The following MCTP1 variants were observed in gnomAD, a reference collection of about 807,000 sequenced individuals.
MCTP1 encodes multiple C2 and transmembrane domain-containing protein 1.
MCTP1 carries 69 observed loss-of-function variants against 120.6 expected under a neutral mutation model. The ratio of observed to expected loss-of-function variants is 0.57; its 90% CI spans 0.47 to 0.70. The LOEUF (loss-of-function observed/expected upper bound fraction) is 0.70, where lower values mean the gene tolerates loss of function less well. Ranked by LOEUF, MCTP1 falls within the 30% of genes least tolerant of loss-of-function variation. The pLI is 0.00. For missense variants in MCTP1, 1,203 were observed against 1,248.8 expected (o/e 0.96, Z 0.55); for synonymous variants, 529 against 493.1 (o/e 1.07, Z -0.96).
chr5:94,779,211 T>C lies in MCTP1; in HGVS notation c.2557-48A>G, dbSNP rs773891248. On this transcript the variant is annotated intron_variant, in intron 18 of 22. Transcript: ENST00000515393. ...TTTTTTGTGCTCTTAAAGGAGAGAA[T>C]TTTGTTCTGTCATTTTGAACCTTTT... 32 of 1,507,520 alleles carry C rather than the reference T, an allele frequency of 2.1e-5. No individual in the cohort carries two copies. In the Admixed American group the frequency reaches 5.2e-4, roughly 24 times the overall value. The allele number at this position is 1,507,520 out of a possible 1,614,324, so 93.4% of individuals were successfully genotyped here. A position where few individuals can be genotyped will look rare whatever the true frequency, so the allele number is the denominator to read the frequency against.
intron 1 of MCTP1, among the ~76,000 whole-genome samples, chr5:95,080,453 A>G (rs1476738222): frequency 6.6e-6 from 1 of 152,238 alleles, no homozygotes; most frequent in Non-Finnish European, 1.5e-5. Flanking sequence ...AAGTCAATTA[A>G]GAAGTACGAA....
intron 1 of MCTP1, among the ~76,000 whole-genome samples, chr5:95,160,277 A>C (rs1212750283): frequency 1.3e-5 from 2 of 152,210 alleles, no homozygotes; most frequent in African/African-American, 2.4e-5. Flanking sequence ...TTAGGAAAGA[A>C]AAGCGCAGAT....
intron 2 of MCTP1, among the ~76,000 whole-genome samples, chr5:94,964,766 T>C (rs1333032659): frequency 6.6e-6 from 1 of 152,222 alleles, no homozygotes. Flanking sequence ...AGGTGGTATA[T>C]AGTTGAGTCT....
rs141558529 is a variant in MCTP1 at position 95,095,447 on chromosome 5, C to T, written c.721-77963G>A. Among the ~76,000 whole-genome samples, 682 of 152,234 alleles carry T rather than the reference C, an allele frequency of 4.5e-3. 9 individuals carry two copies. The highest frequency in any genetic ancestry group is 0.016 in the African/African-American group (651 of 41,532). ...TGCATTGCAATAGCAAAGAAGTGAACAACAACCAAGTTGGAAGGAAGAGAT... is the reference window on the plus strand; with the variant it reads ...TGCATTGCAATAGCAAAGAAGTGAATAACAACCAAGTTGGAAGGAAGAGAT... On this transcript the variant is annotated intron_variant, in intron 1 of 22. Transcript: ENST00000515393.
rs1329663474 is a variant in MCTP1, at chr5:94,704,720, T to C, written c.*2776A>G. ...TCATACAGTTGGTATTCGATAAATA[T>C]ATCACAGAGTCCTTTTAAGAATCTC... is the stretch of plus-strand genomic sequence containing the variant. On this transcript the variant is annotated 3_prime_UTR_variant, in exon 23 of 23. Coordinates refer to ENST00000515393, the MANE Select transcript of MCTP1 (RefSeq NM_024717.7). 6.6e-6 allele frequency: 1 copy of C among 150,998 alleles called. No individual in the cohort carries two copies. Among genetic ancestry groups the C allele is most frequent in the African/African-American group, 2.4e-5 (1 of 41,198 alleles). 9.4% of individuals were successfully genotyped at this position (150,998 alleles called of 1,614,324 possible).
intron 2 of MCTP1, among the ~76,000 whole-genome samples, chr5:94,958,730 A>G (rs1216741004): frequency 6.6e-6 from 1 of 152,210 alleles, no homozygotes; most frequent in Non-Finnish European, 1.5e-5. Flanking sequence ...GAGGAAGTTG[A>G]ATCCCTGAAT....
chr5:95,194,605 T>C (rs1441165897), intron 1 of MCTP1, among the ~76,000 whole-genome samples: 1 of 152,200 alleles, frequency 6.6e-6, no homozygotes, highest in Middle Eastern at 3.2e-3. Context: ...CAGGTATATG[T>C]ACAGTCACTA....
chr5:95,148,826 T>C (rs773435805), intron 1 of MCTP1, among the ~76,000 whole-genome samples: 1 of 152,200 alleles, frequency 6.6e-6, no homozygotes, highest in Non-Finnish European at 1.5e-5. Context: ...TTCCTTTAAC[T>C]GTGATGTAAG....
intron 1 of MCTP1, among the ~76,000 whole-genome samples, chr5:95,132,564 G>A (rs190985209): frequency 2.6e-5 from 4 of 152,274 alleles, no homozygotes; most frequent in East Asian, 1.9e-4. Context: ...CATCTCAGGC[G>A]CAGTTGCCTT....
intron 19 of MCTP1, among the ~76,000 whole-genome samples, chr5:94,749,833 T>C (rs1767872438): frequency 6.6e-6 from 1 of 152,138 alleles, no homozygotes; most frequent in Non-Finnish European, 1.5e-5. Flanking sequence ...ATTTTATCAA[T>C]GCTGTAAGGT....
chr5:95,119,901 G>A (rs184205089), intron 1 of MCTP1, among the ~76,000 whole-genome samples: 82 of 152,130 alleles, frequency 5.4e-4, no homozygotes, highest in African/African-American at 1.6e-3. Flanking sequence ...AGCCGGGCGC[G>A]GTGGCTCACG....
chr5:94,973,073 G>A (rs917377876), intron 2 of MCTP1, among the ~76,000 whole-genome samples: 1 of 152,096 alleles, frequency 6.6e-6, no homozygotes, highest in African/African-American at 2.4e-5. Flanking sequence ...CACAAAGGAG[G>A]CATCTAATAA....
intron 11 of MCTP1, among the ~76,000 whole-genome samples, chr5:94,892,494 C>T (rs1453765441): frequency 6.6e-6 from 1 of 152,146 alleles, no homozygotes; most frequent in Non-Finnish European, 1.5e-5. Context: ...TTGACCTTCC[C>T]TCATTTCCTC....
intron 1 of MCTP1, among the ~76,000 whole-genome samples, chr5:95,176,168 T>G (rs552827916): frequency 6.6e-6 from 1 of 151,976 alleles, no homozygotes; most frequent in African/African-American, 2.4e-5. Flanking sequence ...TAAAATGTAT[T>G]TTTTTTTAAC....
At chr5:95,090,067 A>G (rs1489745887) in intron 1 of MCTP1, among the ~76,000 whole-genome samples, 1 of 152,064 alleles carries the variant, frequency 6.6e-6, no homozygotes, top group Non-Finnish European at 1.5e-5. Flanking sequence ...TCCTCTCCAC[A>G]TCATGAAACA....
chr5:95,063,064 C>T (rs962060348), intron 1 of MCTP1, among the ~76,000 whole-genome samples: 5 of 152,266 alleles, frequency 3.3e-5, no homozygotes, highest in African/African-American at 4.8e-5. Flanking sequence ...GCGATCCTCC[C>T]GCCTCGGCCT....
At chr5:94,941,991 A>T (rs531696817) in intron 4 of MCTP1, among the ~76,000 whole-genome samples, 4 of 152,082 alleles carry the variant, frequency 2.6e-5, no homozygotes, top group Non-Finnish European at 5.9e-5. Flanking sequence ...CCAATTCTTA[A>T]TAATTATGAC....
chr5:95,072,453 T>A (rs1286009753), intron 1 of MCTP1, among the ~76,000 whole-genome samples: 3 of 152,228 alleles, frequency 2.0e-5, no homozygotes, highest in Admixed American at 1.3e-4. Flanking sequence ...CTCACATGAA[T>A]TGATGGCTCT....
At chr5:95,233,217 G>A (rs1342087035) in intron 1 of MCTP1, among the ~76,000 whole-genome samples, 1 of 151,960 alleles carries the variant, frequency 6.6e-6, no homozygotes, top group East Asian at 1.9e-4. Flanking sequence ...TATTTAAAGG[G>A]ATCCATATTG....
Sources: gnomAD v4.1 joint callset for allele counts (sites outside exome capture counted in the v4.1 genomes callset) on GRCh38, gnomAD v4.1.1 for gene constraint, MANE v1.5 for transcripts, NCBI Gene and HGNC (gene_info 2026-07-23, HGNC 2026-07-21) for gene names.